P4HA3: variants seen among roughly 807,000 people sequenced by gnomAD.
P4HA3 encodes prolyl 4-hydroxylase subunit alpha 3, also known as prolyl 4-hydroxylase subunit alpha-3.
In P4HA3, 60 loss-of-function variants were observed where a neutral mutation model predicts 66.7. The ratio of observed to expected loss-of-function variants is 0.90; its 90% confidence interval spans 0.73 to 1.12. P4HA3 has a LOEUF of 1.12. P4HA3 is among the 50% of genes most tolerant of loss of function. The pLI is 0.00. For missense variants in P4HA3, 683 were observed against 685.8 expected (o/e 1.00, Z 0.05); for synonymous variants, 263 against 274.6 (o/e 0.96, Z 0.42).
At chr11:74,262,816 A>G (rs1207022546), downstream of P4HA3, among the ~76,000 whole-genome samples, 1 of 152,182 alleles carries the variant, frequency 6.6e-6, no homozygotes, top group Non-Finnish European at 1.5e-5. Context: ...AAGGCCCCCA[A>G]CAGGAGACTC....
chr11:74,273,591 A>AG lies in P4HA3; in HGVS notation c.1351dup (p.Leu451ProfsTer39). The stretch of plus-strand genomic sequence containing the variant: ...TCGGTTTCCTGACTTCATTCTGTAG[A>AG]GGGGGCTGCTTGGTGACTGAGAAAA... On this transcript the variant is annotated frameshift_variant, in exon 10 of 13. Transcript: ENST00000331597. LOFTEE classifies it high-confidence loss of function. 1 of 1,567,124 alleles carries AG rather than the reference A, an allele frequency of 6.4e-7. No individual in the cohort carries two copies. Among genetic ancestry groups the AG allele is most frequent in the Non-Finnish European group, 8.6e-7 (1 of 1,160,802 alleles).
chr11:74,253,862 G>A (rs1859767716), intron 15 of P4HA3: 1 of 399,658 alleles, frequency 2.5e-6, no homozygotes, highest in East Asian at 4.4e-5. Context: ...GAGTTCAAAT[G>A]TCTTCCCAGG....
chr11:74,287,047 T>C (rs1860824882), intron 5 of P4HA3: 2 of 1,090,028 alleles, frequency 1.8e-6, no homozygotes, highest in Non-Finnish European at 2.3e-6. Flanking sequence ...CTCTAGACTT[T>C]GGCTCTAGAC....
intron 6 of P4HA3, 26 bp from the exon 7 acceptor site, chr11:74,286,011 T>C (rs1860786155): frequency 6.3e-7 from 1 of 1,586,302 alleles, no homozygotes; most frequent in East Asian, 2.2e-5. Flanking sequence ...AGGATGAGCA[T>C]AAGAGAAGAA....
intron 12 of P4HA3, 88 bp from the exon 13 acceptor site, chr11:74,267,406 T>C: frequency 6.7e-7 from 1 of 1,482,272 alleles, no homozygotes; most frequent in South Asian, 1.3e-5. Context: ...CATAGGCGCG[T>C]GTGAGTGCCC....
intron 1 of P4HA3, among the ~76,000 whole-genome samples, chr11:74,307,039 G>A (rs1861601472): frequency 6.6e-6 from 1 of 152,140 alleles, no homozygotes; most frequent in African/African-American, 2.4e-5. Context: ...GGAGACTTGG[G>A]CTTGAGTCCA....
rs755142591 is a variant in P4HA3 at position 74,269,662 on chromosome 11, G to A, written c.1457C>T (p.Pro486Leu). ...CAGGGCCCCACTCACCCTAACCACA[G>A]GCACGCTGAGGTTGGCATAGATGAA... ...TAFIYANLSV[P>L]VVRNAALFWW... The change falls in exon 11 of 13, where the codon CCT becomes CTT. Residue 486 changes from proline (P) to leucine (L), a missense_variant. Coordinates refer to ENST00000331597, the MANE Select transcript of P4HA3 (RefSeq NM_182904.5). The A allele has an allele frequency of 3.5e-5, 57 of 1,613,592 alleles. No individual in the cohort carries two copies. The highest frequency in any genetic ancestry group is 4.8e-5 in the Non-Finnish European group (57 of 1,179,832).
In P4HA3 at chr11:74,279,457, T is replaced by C; in HGVS notation, c.1111-5A>G. 1.2e-6 allele frequency: 2 copies of C among 1,613,784 alleles called. No individual in the cohort carries two copies. Among genetic ancestry groups the C allele is most frequent in the Non-Finnish European group, 1.7e-6 (2 of 1,179,722 alleles). On this transcript the variant is annotated splice_polypyrimidine_tract_variant and splice_region_variant and intron_variant, in intron 7 of 12. Transcript: ENST00000331597. ...TGCCACCACTGACCTCTGTAGCTGG[T>C]GGGAAGAATGTAAGACAAAGTCCAA...
intron 4 of P4HA3, among the ~76,000 whole-genome samples, chr11:74,292,054 G>T (rs1317243088): frequency 2.3e-5 from 3 of 133,314 alleles, no homozygotes; most frequent in Non-Finnish European, 4.9e-5. Context: ...GGTAGAATTC[G>T]GCTGTGAATC....
intron 8 of P4HA3, among the ~76,000 whole-genome samples, chr11:74,278,502 A>G (rs1475932403): frequency 2.0e-5 from 3 of 152,210 alleles, no homozygotes; most frequent in Non-Finnish European, 2.9e-5. Context: ...TGAGGACAGA[A>G]CCAAAAGTCA....
At chr11:74,270,461 A>C (rs1860155839) in intron 10 of P4HA3, among the ~76,000 whole-genome samples, 1 of 148,210 alleles carries the variant, frequency 6.7e-6, no homozygotes, top group East Asian at 2.0e-4. Flanking sequence ...AATAATTGTA[A>C]ACTGTTTTAA....
At chr11:74,267,384 C>T in intron 12 of P4HA3, 66 bp from the exon 13 acceptor site, 2 of 1,576,884 alleles carry the variant, frequency 1.3e-6, no homozygotes, top group Non-Finnish European at 8.6e-7. Context: ...ATGCTGCAGA[C>T]TGGTGCGCAC....
At chr11:74,253,763 G>A (rs1859765200) in intron 15 of P4HA3, 4 of 573,394 alleles carry the variant, frequency 7.0e-6, no homozygotes, top group Non-Finnish European at 1.2e-5. Context: ...TACTGGGGTA[G>A]CTCCTGCCTG....
rs147167718 is a variant in P4HA3, at chr11:74,268,196, C to G, written c.1513G>C (p.Asp505His). 1,456 of 1,614,108 alleles carry G rather than the reference C, an allele frequency of 9.0e-4. 6 individuals are homozygous for G. The highest frequency in any genetic ancestry group is 1.6e-3 in the South Asian group (143 of 91,058). ...WWNLHRSGEG[D>H]SDTLHAGCPV... ...CAGCCAGCATGAAGTGTGTCACTGT[C>G]CCCTTCACCACTCCTGTGCAGGTTC... The change falls in exon 12 of 13, where the codon GAC becomes CAC. Residue 505 changes from aspartate to histidine, a missense_variant. By Grantham distance (81) the Asp-to-His change is moderately conservative. Transcript: ENST00000331597.
At chr11:74,279,593 G>A in intron 7 of P4HA3, 141 bp from the exon 8 acceptor site, 1 of 758,066 alleles carries the variant, frequency 1.3e-6, no homozygotes, top group South Asian at 1.6e-5. Flanking sequence ...TTTTGCATGT[G>A]GGACTAATTT....
In P4HA3 at chr11:74,311,639, A is replaced by G. The variant is rs1460466182; in HGVS notation, c.-28T>C. On this transcript the variant is annotated 5_prime_UTR_variant, in exon 1 of 13. Coordinates refer to ENST00000331597, the MANE Select transcript of P4HA3 (RefSeq NM_182904.5). ...CCAGCGCTCGCGAACTTCCCCTCAG[A>G]CAGTCCTGGCCGCGCGGCGGCAGCC... The G allele has an allele frequency of 4.1e-6, 6 of 1,454,812 alleles. No homozygotes were observed. In the East Asian group the frequency reaches 8.7e-5, roughly 21 times the overall value. The allele number at this position is 1,454,812 out of a possible 1,614,324, so 90.1% of individuals were successfully genotyped here.
chr11:74,304,525 T>A, intron 1 of P4HA3, 113 bp from the exon 2 acceptor site: 1 of 1,252,422 alleles, frequency 8.0e-7, no homozygotes, highest in Non-Finnish European at 1.1e-6. Context: ...CTGAACCTCT[T>A]GAGATTCACA....
In P4HA3 at chr11:74,285,957, T is replaced by C. The variant is rs770517723; in HGVS notation, c.962A>G (p.Tyr321Cys). The C allele has an allele frequency of 8.7e-6, 14 of 1,610,144 alleles. No homozygotes were observed. The Admixed American group carries it at 1.2e-4, about 13-fold the overall frequency. Residue 321 changes from tyrosine (Y) to cysteine (C), a missense_variant, in exon 7 of 13, where the codon TAC becomes TGC. Physicochemically the swap from Tyr to Cys is radical, Grantham distance 194. Coordinates refer to ENST00000331597, the MANE Select transcript of P4HA3 (RefSeq NM_182904.5). Reference sequence around the variant, plus strand: ...GTTGGAATTGGTCTCATAGGAACAGTAGAGGCTAGGGATCTGGTAGAGAGT... The same window carrying C: ...GTTGGAATTGGTCTCATAGGAACAGCAGAGGCTAGGGATCTGGTAGAGAGT... The part of the protein sequence containing the change: ...QPTLYQIPSL[Y>C]CSYETNSNAY...
At chr11:74,297,472 C>T (rs773602536) in intron 4 of P4HA3, among the ~76,000 whole-genome samples, 2 of 152,104 alleles carry the variant, frequency 1.3e-5, no homozygotes, top group Non-Finnish European at 2.9e-5. Flanking sequence ...GAACTGGTTC[C>T]ATGGAGATTT....
Sources: allele counts gnomAD v4.1 joint callset (sites outside exome capture counted in the v4.1 genomes callset), GRCh38; gene constraint gnomAD v4.1.1; transcripts MANE v1.5; gene names NCBI Gene and HGNC (gene_info 2026-07-23, HGNC 2026-07-21).